The following NOS2 variants were observed in gnomAD, a reference collection of about 807,000 sequenced individuals.
NOS2 encodes nitric oxide synthase, inducible.
In NOS2, 96 loss-of-function variants were observed where a neutral mutation model predicts 136.0. The observed-to-expected ratio is 0.71, with a 90% CI of 0.60 to 0.84. The LOEUF (loss-of-function observed/expected upper bound fraction) is 0.84, where lower values mean the gene tolerates loss of function less well. Among genes scored for constraint, NOS2 ranks in the 40% least tolerant of loss-of-function variants. The pLI is 0.00. For synonymous variants in NOS2, 539 were observed against 587.5 expected, an observed-to-expected ratio of 0.92 and a Z score of 1.20; for missense variants, 1,237 against 1,496.9, an observed-to-expected ratio of 0.83 and a Z score of 2.87.
chr17:27,786,522 T>A (rs1442648333), intron 5 of NOS2, among the ~76,000 whole-genome samples: 1 of 152,234 alleles, frequency 6.6e-6, no homozygotes, highest in Non-Finnish European at 1.5e-5. Flanking sequence ...ATTTTTGTTT[T>A]AAAAGTTTTA....
intron 14 of NOS2, 35 bp downstream of exon 14, chr17:27,772,273 C>T (rs1283036771): frequency 6.2e-7 from 1 of 1,612,848 alleles, no homozygotes; most frequent in Non-Finnish European, 8.5e-7. Flanking sequence ...TGCACACAAG[C>T]AGAAAAAACA....
rs1908899000 is a variant in NOS2 at position 27,782,972 on chromosome 17, A to G, written c.602T>C (p.Ile201Thr). 1.9e-6 allele frequency: 3 copies of G among 1,614,180 alleles called. No individual in the cohort carries two copies. The highest frequency in any genetic ancestry group is 1.7e-6 in the Non-Finnish European group (2 of 1,180,030). ...CAGGTTGGACCACTGGATCCTCCCA[A>G]TGCAGCGTGGGGCATTGCGCCAGGC... ...KQAWRNAPRC[I>T]GRIQWSNLQV... The change falls in exon 6 of 27, where the codon ATT (isoleucine) becomes ACT (threonine). Residue 201 changes from isoleucine (I) to threonine (T), a missense_variant. Ile to Thr is a moderately conservative substitution (Grantham distance 89, BLOSUM62 -1). Around this residue, in one of 3 missense-constraint regions of NOS2, gnomAD observed 440 missense variants for 545.4 expected, o/e 0.81. Coordinates refer to ENST00000313735, the MANE Select transcript of NOS2 (RefSeq NM_000625.4).
At chr17:27,798,550 T>C (rs1909427905) in intron 2 of NOS2, 150 bp downstream of exon 2, 3 of 638,230 alleles carry the variant, frequency 4.7e-6, no homozygotes, top group Non-Finnish European at 8.5e-6. Context: ...GCGGCTGCAT[T>C]GAATTCCAAC....
At position 27,782,818 on chromosome 17, in the gene NOS2, A is replaced by AGAGGATCCAGGGCCATGGCTT. The variant is rs1408589680; in HGVS notation, c.630+105_630+125dup. 4.5e-6 allele frequency: 4 copies of AGAGGATCCAGGGCCATGGCTT among 897,706 alleles called. No homozygotes were observed. In the African/African-American group the frequency reaches 6.7e-5, roughly 15 times the overall value. 55.6% of individuals were successfully genotyped at this position (897,706 alleles called of 1,614,324 possible). A position where few individuals can be genotyped will look rare whatever the true frequency, so the allele number is the denominator to read the frequency against. ...CCATCTCAACATTTGGGAATGTAAG[A>AGAGGATCCAGGGCCATGGCTT]GAGGATCCAGGGCCATGGCTTCAGT... On this transcript the variant is annotated intron_variant, in intron 6 of 26. Coordinates refer to ENST00000313735, the MANE Select transcript of NOS2 (RefSeq NM_000625.4).
chr17:27,798,344 G>A (rs1233254658), intron 2 of NOS2, among the ~76,000 whole-genome samples: 5 of 152,130 alleles, frequency 3.3e-5, no homozygotes, highest in East Asian at 1.9e-4. Context: ...TGGAATGGAC[G>A]CAGGCCAGGA....
intron 2 of NOS2, among the ~76,000 whole-genome samples, chr17:27,791,384 T>TCC (rs1045462453): frequency 7.2e-5 from 11 of 152,158 alleles, no homozygotes; most frequent in African/African-American, 2.7e-4. Flanking sequence ...ACAAGAACCC[T>TCC]CCATCCTTGA....
intron 5 of NOS2, 62 bp downstream of exon 5, chr17:27,787,616 G>A (rs116889920): frequency 2.4e-6 from 3 of 1,265,308 alleles, no homozygotes; most frequent in Non-Finnish European, 3.4e-6. Flanking sequence ...AGGGTGATGG[G>A]TAGAGACAGG....
At chr17:27,795,836 G>A (rs1380733618) in intron 2 of NOS2, among the ~76,000 whole-genome samples, 1 of 152,166 alleles carries the variant, frequency 6.6e-6, no homozygotes, top group Non-Finnish European at 1.5e-5. Context: ...TGAAGAGGAG[G>A]GGGAAAAACA....
chr17:27,760,578 C>T (rs1388802159), intron 24 of NOS2, 45 bp downstream of exon 24: 4 of 1,550,958 alleles, frequency 2.6e-6, no homozygotes, highest in Non-Finnish European at 3.5e-6. Context: ...TAGGCAGGCG[C>T]TGGCCCCCTG....
At chr17:27,792,805 C>T (rs545489899) in intron 2 of NOS2, among the ~76,000 whole-genome samples, 27 of 121,460 alleles carry the variant, frequency 2.2e-4, no homozygotes, top group Middle Eastern at 4.8e-3. Context: ...ATGGTGAAAC[C>T]CTATCTCTAC....
At chr17:27,792,815 C>CAA (rs34992777) in intron 2 of NOS2, among the ~76,000 whole-genome samples, 4,112 of 52,364 alleles carry the variant, frequency 0.079, 434 homozygotes, top group African/African-American at 0.15. Flanking sequence ...CCTATCTCTA[C>CAA]AAAAAAAAAA....
chr17:27,775,326 C>T (rs28999394), intron 11 of NOS2, among the ~76,000 whole-genome samples: 4 of 151,912 alleles, frequency 2.6e-5, no homozygotes, highest in Non-Finnish European at 5.9e-5. Flanking sequence ...GGCCAGCTGT[C>T]GGGGCTTACA....
At chr17:27,799,858 G>A (rs374653675) in intron 1 of NOS2, among the ~76,000 whole-genome samples, 2 of 151,582 alleles carry the variant, frequency 1.3e-5, no homozygotes, top group East Asian at 3.9e-4. Flanking sequence ...AGGAAAGGAA[G>A]GAAAGAGGGA....
chr17:27,761,290 A>G, intron 22 of NOS2, 59 bp from the exon 23 acceptor site: 3 of 1,358,620 alleles, frequency 2.2e-6, no homozygotes, highest in Non-Finnish European at 3.0e-6. Context: ...AAACTGTACC[A>G]GCTGCTCCGC....
rs773527134 is a variant in NOS2, at chr17:27,789,628, C to A, written c.171G>T (p.Pro57=). 6.2e-7 allele frequency: 1 copy of A among 1,613,854 alleles called. No individual in the cohort carries two copies. The highest frequency in any genetic ancestry group is 1.3e-5 in the African/African-American group (1 of 75,054). The change falls in exon 3 of 27, where the codon CCG becomes CCT. Residue 57 remains proline (P), a synonymous_variant. Coordinates refer to ENST00000313735, the MANE Select transcript of NOS2 (RefSeq NM_000625.4). The part of the protein sequence containing the change: ...HNLSKQQNES[P]QPLVETGKKS... Reference sequence around the variant, plus strand: ...CCTTTCCCGTCTCCACGAGGGGCTGCGGGGACTCATTCTGCTGCTTGCTGA... The same window carrying A: ...CCTTTCCCGTCTCCACGAGGGGCTGAGGGGACTCATTCTGCTGCTTGCTGA...
chr17:27,760,052 G>T lies in NOS2; in HGVS notation c.3137C>A (p.Ser1046Tyr). ...GVLHAVHTAYSRLPGKPKVYV... is the reference protein window; with the variant it reads ...GVLHAVHTAYYRLPGKPKVYV... The stretch of plus-strand genomic sequence containing the variant: ...TACCTTGGGCTTGCCAGGCAGGCGG[G>T]AATAGGCTGTGTGCACCGCATGCAG... The change falls in exon 25 of 27, where the codon TCC becomes TAC. Residue 1046 changes from serine to tyrosine, a missense_variant. Physicochemically the swap from Ser to Tyr is moderately radical, Grantham distance 144. This residue lies in a region of NOS2 where 782 missense variants were observed against 909.9 expected (regional missense o/e 0.86). Transcript: ENST00000313735. The T allele has an allele frequency of 6.4e-7, 1 of 1,565,504 alleles. No individual in the cohort carries two copies. Among genetic ancestry groups the T allele is most frequent in the South Asian group, 1.2e-5 (1 of 84,172 alleles).
chr17:27,786,330 G>A (rs1909024955), intron 5 of NOS2, among the ~76,000 whole-genome samples: 1 of 152,134 alleles, frequency 6.6e-6, no homozygotes, highest in African/African-American at 2.4e-5. Context: ...GGAGGCCGAG[G>A]CAGGAGAATC....
chr17:27,789,741 T>C (rs1909135185), intron 2 of NOS2, 53 bp from the exon 3 acceptor site: 1 of 1,270,426 alleles, frequency 7.9e-7, no homozygotes, highest in Non-Finnish European at 1.2e-6. Context: ...TGGAGGGGCA[T>C]CTTGGAGTTC....
At chr17:27,797,881 C>T (rs917829206) in intron 2 of NOS2, among the ~76,000 whole-genome samples, 13 of 152,072 alleles carry the variant, frequency 8.5e-5, no homozygotes, top group African/African-American at 1.4e-4. Flanking sequence ...CTGTAATTAC[C>T]GGTCATTCAG....
Sources: allele counts gnomAD v4.1 joint callset (sites outside exome capture counted in the v4.1 genomes callset), GRCh38; gene constraint gnomAD v4.1.1; regional missense constraint gnomAD v4.1.1; transcripts MANE v1.5; gene names NCBI Gene and HGNC (gene_info 2026-07-23, HGNC 2026-07-21).